KIF15: variants seen among roughly 807,000 people sequenced by gnomAD.
KIF15 encodes the protein kinesin family member 15.
In KIF15, 140 loss-of-function variants were observed where a neutral mutation model predicts 190.6. The observed-to-expected ratio is 0.73, with a 90% confidence interval of 0.64 to 0.84. KIF15 has a LOEUF of 0.84. Ranked by LOEUF, KIF15 falls within the 40% of genes least tolerant of loss-of-function variation. KIF15 has a pLI of 0.00. For synonymous variants in KIF15, 528 were observed against 551.3 expected, an observed-to-expected ratio of 0.96 and a Z score of 0.59; for missense variants, 1,372 against 1,584.4, an observed-to-expected ratio of 0.87 and a Z score of 2.28.
At position 44,780,866 on chromosome 3, in the gene KIF15, T is replaced by C. The variant is rs1438721886; in HGVS notation, c.324-19T>C. 5 of 1,544,162 alleles carry C rather than the reference T, an allele frequency of 3.2e-6. No homozygotes were observed. The highest frequency in any genetic ancestry group is 1.2e-5 in the South Asian group (1 of 85,086). On this transcript the variant is annotated intron_variant, in intron 4 of 34. Coordinates refer to ENST00000326047, the MANE Select transcript of KIF15 (RefSeq NM_020242.3). ...TTTAATTTTATGTGTAAAAATAATA[T>C]GTAAAACATTTTTTACAGTGGACAG...
At position 44,826,088 on chromosome 3, in the gene KIF15, T is replaced by C. The variant is rs1389863256; in HGVS notation, c.2599T>C (p.Tyr867His). Residue 867 changes from tyrosine (Y) to histidine (H), a missense_variant, in exon 21 of 35, where the codon TAT becomes CAT. By Grantham distance (83) the Tyr-to-His change is moderately conservative. Transcript: ENST00000326047. ...GAGCAAAGCCTGCCTACAGGATTCC[T>C]ATGACAACTTACAAGAAATAATGAA... is the stretch of plus-strand genomic sequence containing the variant. ...LESKACLQDS[Y>H]DNLQEIMKFE... The C allele has an allele frequency of 1.9e-6, 3 of 1,591,648 alleles. No individual in the cohort carries two copies. The highest frequency in any genetic ancestry group is 1.2e-5 in the South Asian group (1 of 85,562).
chr3:44,814,945 C>T lies in KIF15; in HGVS notation c.2418C>T (p.Val806=), dbSNP rs1707958435. The change falls in exon 20 of 35, where the codon GTC becomes GTT. Residue 806 remains valine, a synonymous_variant. Coordinates refer to ENST00000326047, the MANE Select transcript of KIF15 (RefSeq NM_020242.3). Reference sequence around the variant, plus strand: ...GTGAGGTACATGACCTGCGAGTAGTCCTTCATTCTGCTGACAAGGAGCTTT... The same window carrying T: ...GTGAGGTACATGACCTGCGAGTAGTTCTTCATTCTGCTGACAAGGAGCTTT... ...LKSEVHDLRV[V]LHSADKELSS... is the part of the protein sequence containing the mutation. 1.2e-6 allele frequency: 2 copies of T among 1,611,312 alleles called. No individual in the cohort carries two copies. The highest frequency in any genetic ancestry group is 1.7e-6 in the Non-Finnish European group (2 of 1,179,080).
In KIF15 at chr3:44,841,078, C is replaced by T. The variant is rs1168020334; in HGVS notation, c.3425C>T (p.Pro1142Leu). 1.4e-5 allele frequency: 22 copies of T among 1,610,690 alleles called. No homozygotes were observed. Among genetic ancestry groups the T allele is most frequent in the Non-Finnish European group, 1.8e-5 (21 of 1,178,560 alleles). The stretch of plus-strand genomic sequence containing the variant: ...TGAGATGTGATTTTATTTTAGAGTC[C>T]TAAGACACCACCTCACTTTCAAACA... The part of the protein sequence containing the change: ...MDSAAEDPQS[P>L]KTPPHFQTHL... Residue 1142 changes from proline (P) to leucine (L), a missense_variant, in exon 29 of 35, where the codon CCT becomes CTT. Transcript: ENST00000326047.
chr3:44,802,675 T>C (rs1707332967), intron 13 of KIF15, 139 bp from the exon 14 acceptor site: 3 of 730,302 alleles, frequency 4.1e-6, no homozygotes, highest in South Asian at 2.4e-5. Flanking sequence ...AAATGCCAAG[T>C]TGCTTTCCAT....
At chr3:44,764,819 T>C (rs1277265819) in intron 1 of KIF15, among the ~76,000 whole-genome samples, 1 of 152,140 alleles carries the variant, frequency 6.6e-6, no homozygotes, top group Non-Finnish European at 1.5e-5. Context: ...ATATTTTTAG[T>C]AGAGGCAGGG....
At chr3:44,843,854 A>C (rs900371119) in intron 30 of KIF15, among the ~76,000 whole-genome samples, 18 of 152,234 alleles carry the variant, frequency 1.2e-4, no homozygotes, top group African/African-American at 3.9e-4. Flanking sequence ...TTCCTTAACA[A>C]TAAAATGAAG....
rs375406036 is a variant in KIF15, at chr3:44,808,096, G to A, written c.1971+2110G>A. On this transcript the variant is annotated intron_variant, in intron 16 of 34. Coordinates refer to ENST00000326047, the MANE Select transcript of KIF15 (RefSeq NM_020242.3). ...TAGGATTACAGGTGTGAGCCACCAT[G>A]CCTGACCAGAATTTTTTTTTACTGT... Among the ~76,000 whole-genome samples the A allele has an allele frequency of 1.3e-4, 20 of 152,146 alleles. No individual in the cohort carries two copies. The East Asian group carries it at 1.9e-3, about 15-fold the overall frequency.
At chr3:44,812,984 C>CA (rs199631947) in intron 18 of KIF15, 91 bp from the exon 19 acceptor site, 40,414 of 599,530 alleles carry the variant, frequency 0.067, 73 homozygotes, top group African/African-American at 0.087. Flanking sequence ...GACTCTGTCT[C>CA]AAAAAAAAAA....
chr3:44,843,178 GA>G lies in KIF15; in HGVS notation c.3644del (p.Asn1215ThrfsTer28), dbSNP rs773963593. ...GCCTGGAAAGTCAGCAGTTAATAGAGAAAAACTGGCTCCTGCAAGGTCAGCT... is the reference window on the plus strand; with the variant it reads ...GCCTGGAAAGTCAGCAGTTAATAGAGAAAACTGGCTCCTGCAAGGTCAGCT... ...LRLESQQLIEKNWLLQGQLDD... is the reference protein window; with the variant it reads ...LRLESQQLIEXNWLLQGQLDD... On this transcript the variant is annotated frameshift_variant, in exon 30 of 35. Transcript: ENST00000326047. LOFTEE classifies it high-confidence loss of function. 1 of 1,613,050 alleles carries G rather than the reference GA, an allele frequency of 6.2e-7. No individual in the cohort carries two copies.
chr3:44,810,201 A>G (rs901197655), intron 16 of KIF15, among the ~76,000 whole-genome samples: 3 of 151,958 alleles, frequency 2.0e-5, no homozygotes, highest in Non-Finnish European at 4.4e-5. Context: ...ATACTCCCAT[A>G]CCCCTATGTA....
chr3:44,765,432 C>T (rs973590431), intron 1 of KIF15, among the ~76,000 whole-genome samples: 1 of 152,148 alleles, frequency 6.6e-6, no homozygotes, highest in South Asian at 2.1e-4. Flanking sequence ...ACTGTTAAGC[C>T]TTTGATATTG....
At position 44,768,556 on chromosome 3, in the gene KIF15, C is replaced by G. The variant is rs58188314; in HGVS notation, c.20-5839C>G. Among the ~76,000 whole-genome samples the G allele has an allele frequency of 3.3e-5, 5 of 151,818 alleles. No individual in the cohort carries two copies. The South Asian group carries it at 8.3e-4, about 25-fold the overall frequency. ...ATGTGGGCCTTTAGTCTGAGCCACT[C>G]CACATTGATTTATTTTCCTTACTGC... is the stretch of plus-strand genomic sequence containing the variant. On this transcript the variant is annotated intron_variant, in intron 1 of 34. Coordinates refer to ENST00000326047, the MANE Select transcript of KIF15 (RefSeq NM_020242.3).
At chr3:44,852,641 T>A (rs753458876) in intron 34 of KIF15, 32 bp from the exon 35 acceptor site, 1 of 1,507,394 alleles carries the variant, frequency 6.6e-7, no homozygotes, top group African/African-American at 1.4e-5. Flanking sequence ...GAGCCTTATT[T>A]TTTTTCTTTT....
At chr3:44,862,094 C>T in intron 6 of KIF15, 1 of 1,291,646 alleles carries the variant, frequency 7.7e-7, no homozygotes, top group Non-Finnish European at 9.8e-7. Flanking sequence ...GCCGCCTCCG[C>T]CAAGCTGGCC....
chr3:44,784,906 A>C lies in KIF15; in HGVS notation c.423A>C (p.Glu141Asp), dbSNP rs764981366. 1 of 1,586,186 alleles carries C rather than the reference A, an allele frequency of 6.3e-7. No individual in the cohort carries two copies. The highest frequency in any genetic ancestry group is 1.4e-5 in the African/African-American group (1 of 73,742). The change falls in exon 6 of 35, where the codon GAA becomes GAC. Residue 141 changes from glutamate (E) to aspartate (D), a missense_variant. Transcript: ENST00000326047. ...GAGGAGTAATCCCACGAAGTTTTGAATATTTGTTTTCCTTAATTGATCGTG... is the reference window on the plus strand; with the variant it reads ...GAGGAGTAATCCCACGAAGTTTTGACTATTTGTTTTCCTTAATTGATCGTG... ...NLRGVIPRSF[E>D]YLFSLIDREK...
chr3:44,860,752 C>T lies in KIF15; in HGVS notation c.*59+7958C>T, dbSNP rs149924842. Among the ~76,000 whole-genome samples the T allele has an allele frequency of 6.0e-3, 915 of 152,218 alleles. 3 individuals are homozygous for T. Among genetic ancestry groups the T allele is most frequent in the Middle Eastern group, 0.01 (3 of 294 alleles). On this transcript the variant is annotated intron_variant and NMD_transcript_variant, in intron 6 of 6. Coordinates refer to the KIF15 transcript ENST00000422209. Reference sequence around the variant, plus strand: ...GTGGAAGGACTTCCATAAAAACTTGCTAAACAGAAGATACAAAAAGAATGC... The same window carrying T: ...GTGGAAGGACTTCCATAAAAACTTGTTAAACAGAAGATACAAAAAGAATGC...
downstream of KIF15, among the ~76,000 whole-genome samples, chr3:44,857,296 T>C (rs997102657): frequency 6.6e-6 from 1 of 151,900 alleles, no homozygotes; most frequent in Non-Finnish European, 1.5e-5. Context: ...AGGAAGAAAA[T>C]AGATTTTGGA....
rs551807754 is a variant in KIF15 at position 44,781,810 on chromosome 3, A to G, written c.361+888A>G. Among the ~76,000 whole-genome samples, 3 of 152,318 alleles carry G rather than the reference A, an allele frequency of 2.0e-5. No individual in the cohort carries two copies. In the East Asian group the frequency reaches 5.8e-4, roughly 29 times the overall value. ...ACCTTTCATAGGTTTAATTCGATAT[A>G]TCAATACCCTGTCTGTTGAAATGCC... is the stretch of plus-strand genomic sequence containing the variant. On this transcript the variant is annotated intron_variant, in intron 5 of 34. Coordinates refer to ENST00000326047, the MANE Select transcript of KIF15 (RefSeq NM_020242.3).
chr3:44,765,786 C>G (rs1705347640), intron 1 of KIF15, among the ~76,000 whole-genome samples: 1 of 152,098 alleles, frequency 6.6e-6, no homozygotes, highest in African/African-American at 2.4e-5. Flanking sequence ...TAATTACTTT[C>G]ACTAAAACCT....
Sources: gnomAD v4.1 joint callset for allele counts (sites outside exome capture counted in the v4.1 genomes callset) on GRCh38, gnomAD v4.1.1 for gene constraint, MANE v1.5 for transcripts, NCBI Gene and HGNC (gene_info 2026-07-23, HGNC 2026-07-21) for gene names.